The following YEATS4 variants were observed in gnomAD, a reference collection of about 807,000 sequenced individuals.
The protein encoded by YEATS4 is YEATS domain containing 4, also known as YEATS domain-containing protein 4.
A neutral mutation model predicts 30.1 loss-of-function variants in YEATS4; 17 were observed. That is an observed-to-expected ratio of 0.56 (90% CI 0.39 to 0.85). The LOEUF is 0.85. Ranked by LOEUF, YEATS4 falls within the 40% of genes least tolerant of loss-of-function variation. The pLI is 0.00. For synonymous variants in YEATS4, 85 were observed against 87.5 expected (o/e 0.97, Z 0.16); for missense variants, 142 against 268.3 (o/e 0.53, Z 3.29).
intron 1 of YEATS4, among the ~76,000 whole-genome samples, chr12:69,362,355 G>A (rs11177618): frequency 0.012 from 1,866 of 150,474 alleles, 22 homozygotes; most frequent in African/African-American, 0.03. Flanking sequence ...AGTGAAAAAT[G>A]TTTGACCTTT....
intron 4 of YEATS4, among the ~76,000 whole-genome samples, 165 bp from the exon 5 acceptor site, chr12:69,370,541 G>T (rs997363256): frequency 4.6e-5 from 7 of 152,242 alleles, no homozygotes; most frequent in African/African-American, 1.7e-4. Flanking sequence ...GAAAATAAAG[G>T]TACAGAAAAT....
downstream of YEATS4, among the ~76,000 whole-genome samples, chr12:69,395,278 A>G (rs1409026163): frequency 6.6e-5 from 10 of 152,130 alleles, no homozygotes; most frequent in Non-Finnish European, 8.8e-5. Flanking sequence ...ATGTACAAGA[A>G]TTTTCATTAC....
At position 69,370,619 on chromosome 12, in the gene YEATS4, C is replaced by T. The variant is rs111814058; in HGVS notation, c.334-87C>T. ...TGAATTTGACATGTATATACTTATTCCAGTCTCTATTTCAGTTAAAAAAAT... is the reference window on the plus strand; with the variant it reads ...TGAATTTGACATGTATATACTTATTTCAGTCTCTATTTCAGTTAAAAAAAT... On this transcript the variant is annotated intron_variant, in intron 4 of 6. Coordinates refer to ENST00000247843, the MANE Select transcript of YEATS4 (RefSeq NM_006530.4). 10,085 of 1,084,174 alleles carry T rather than the reference C, an allele frequency of 9.3e-3. 64 individuals carry two copies. The highest frequency in any genetic ancestry group is 0.011 in the Non-Finnish European group (8,634 of 780,004). 67.2% of individuals were successfully genotyped at this position (1,084,174 alleles called of 1,614,324 possible).
the YEATS4 span, among the ~76,000 whole-genome samples, chr12:69,426,344 T>G: frequency 6.6e-6 from 1 of 152,178 alleles, no homozygotes; most frequent in Non-Finnish European, 1.5e-5. Flanking sequence ...CATTTTCTTG[T>G]TGTATGTTTG....
At chr12:69,360,110 C>T (rs1211193922) in intron 1 of YEATS4, 87 bp downstream of exon 1, 5 of 1,433,536 alleles carry the variant, frequency 3.5e-6, no homozygotes, top group African/African-American at 2.9e-5. Context: ...ACTGGGTTTC[C>T]TTTCGCGCCT....
chr12:69,412,191 G>A, the YEATS4 span, among the ~76,000 whole-genome samples: 1 of 152,178 alleles, frequency 6.6e-6, no homozygotes, highest in Non-Finnish European at 1.5e-5. Context: ...CTGGGGTGCT[G>A]TGGCAACCAA....
intron 1 of YEATS4, among the ~76,000 whole-genome samples, 192 bp downstream of exon 1, chr12:69,360,215 G>T (rs2120869522): frequency 6.6e-6 from 1 of 152,170 alleles, no homozygotes; most frequent in Non-Finnish European, 1.5e-5. Flanking sequence ...ACTTCCTCGC[G>T]TCACTGCCAA....
chr12:69,421,757 G>A, the YEATS4 span, among the ~76,000 whole-genome samples: 1 of 152,182 alleles, frequency 6.6e-6, no homozygotes, highest in East Asian at 1.9e-4. Context: ...CCCACCCAAA[G>A]GTAGTGGCTA....
At chr12:69,375,774 C>T (rs1319951234) in intron 6 of YEATS4, among the ~76,000 whole-genome samples, 2 of 152,184 alleles carry the variant, frequency 1.3e-5, no homozygotes, top group South Asian at 2.1e-4. Flanking sequence ...TGGTGGTGCG[C>T]GCCTGCAATC....
In YEATS4 at chr12:69,370,886, A is replaced by G. The variant is rs776449495; in HGVS notation, c.427-2A>G. 19 of 1,612,038 alleles carry G rather than the reference A, an allele frequency of 1.2e-5. No individual in the cohort carries two copies. The Admixed American group carries it at 3.0e-4, about 26-fold the overall frequency. On this transcript the variant is annotated splice_acceptor_variant, in intron 5 of 6. Coordinates refer to ENST00000247843, the MANE Select transcript of YEATS4 (RefSeq NM_006530.4). LOFTEE classifies it high-confidence loss of function. ...GGGTTTTTGTTCATTTTATCCCATT[A>G]GATATTTCAAGACCCAACAGCAATG...
chr12:69,359,760 T>G lies in YEATS4; in HGVS notation c.-213T>G, dbSNP rs1305614229. ...CGTCGCCCCTCTTTTCGCGGCGTTCTCCACCTGCGCGGGCCTGAATGGCCT... is the reference window on the plus strand; with the variant it reads ...CGTCGCCCCTCTTTTCGCGGCGTTCGCCACCTGCGCGGGCCTGAATGGCCT... On this transcript the variant is annotated 5_prime_UTR_variant, in exon 1 of 7. Transcript: ENST00000247843. The G allele has an allele frequency of 3.5e-6, 2 of 573,406 alleles. No individual in the cohort carries two copies. The highest frequency in any genetic ancestry group is 3.0e-6 in the Non-Finnish European group (1 of 332,634). 35.5% of individuals were successfully genotyped at this position (573,406 alleles called of 1,614,324 possible). A position where few individuals can be genotyped will look rare whatever the true frequency, so the allele number is the denominator to read the frequency against.
the YEATS4 span, among the ~76,000 whole-genome samples, chr12:69,426,275 C>G: frequency 6.6e-6 from 1 of 152,110 alleles, no homozygotes; most frequent in Non-Finnish European, 1.5e-5. Context: ...TGTATATGCC[C>G]TTGCCTCCAT....
intron 6 of YEATS4, among the ~76,000 whole-genome samples, chr12:69,379,259 C>T (rs531827855): frequency 6.6e-6 from 1 of 152,196 alleles, no homozygotes; most frequent in South Asian, 2.1e-4. Context: ...TGTTAAATCT[C>T]CTTGGTGTTC....
the YEATS4 span, among the ~76,000 whole-genome samples, chr12:69,407,154 T>G: frequency 6.6e-6 from 1 of 151,900 alleles, no homozygotes; most frequent in African/African-American, 2.4e-5. Flanking sequence ...TTTTTTTTTT[T>G]TCTAGAATCA....
chr12:69,414,235 T>G, the YEATS4 span, among the ~76,000 whole-genome samples: 1 of 152,328 alleles, frequency 6.6e-6, no homozygotes, highest in Non-Finnish European at 1.5e-5. Flanking sequence ...TTTTTTAATT[T>G]TAACTTTTTA....
At chr12:69,412,378 G>A in the YEATS4 span, among the ~76,000 whole-genome samples, 6 of 152,084 alleles carry the variant, frequency 3.9e-5, no homozygotes, top group Admixed American at 6.6e-5. Flanking sequence ...AAGTCCGGGC[G>A]CGGTGGCTCA....
the YEATS4 span, among the ~76,000 whole-genome samples, chr12:69,422,370 G>A: frequency 1.3e-5 from 2 of 152,044 alleles, no homozygotes; most frequent in African/African-American, 2.4e-5. Flanking sequence ...AGTGGCTCAC[G>A]CCTGTAATCC....
At chr12:69,361,207 A>T (rs1875189180) in intron 1 of YEATS4, 1 of 152,194 alleles carries the variant, frequency 6.6e-6, no homozygotes, top group African/African-American at 2.4e-5. Context: ...CTTTAAAAAA[A>T]AAATAGCAAT....
At chr12:69,411,006 C>A in the YEATS4 span, among the ~76,000 whole-genome samples, 1 of 152,160 alleles carries the variant, frequency 6.6e-6, no homozygotes, top group African/African-American at 2.4e-5. Context: ...CCTATTAAAC[C>A]ATAGTAACTA....
Sources: gnomAD v4.1 joint callset for allele counts (sites outside exome capture counted in the v4.1 genomes callset) on GRCh38, gnomAD v4.1.1 for gene constraint, MANE v1.5 for transcripts, NCBI Gene and HGNC (gene_info 2026-07-23, HGNC 2026-07-21) for gene names.